CHN2: variants seen among roughly 807,000 people sequenced by gnomAD.
CHN2 encodes the protein beta-chimaerin.
Under a neutral mutation model 56.3 loss-of-function variants are expected in CHN2, and 35 were observed. The observed-to-expected ratio is 0.62, with a 90% CI of 0.47 to 0.82. CHN2 has a LOEUF of 0.82. Ranked by LOEUF, CHN2 falls within the 40% of genes least tolerant of loss-of-function variation. The pLI, the probability that CHN2 is intolerant of heterozygous loss-of-function variation, is 0.00. For missense variants in CHN2, 491 were observed against 580.5 expected, an observed-to-expected ratio of 0.85 and a Z score of 1.58; for synonymous variants, 210 against 212.8, an observed-to-expected ratio of 0.99 and a Z score of 0.12.
chr7:29,354,775 A>T lies in CHN2; in HGVS notation c.88+112A>T, dbSNP rs1041858224. The T allele has an allele frequency of 3.3e-6, 3 of 911,646 alleles. No individual in the cohort carries two copies. The African/African-American group carries it at 5.0e-5, about 15-fold the overall frequency. The allele number at this position is 911,646 out of a possible 1,614,324, so 56.5% of individuals were successfully genotyped here. Reference sequence around the variant, plus strand: ...AGCGTTCCCACCTCACAGCACTGAAAACCCAAATCTTTCTTTCCACTGAGG... The same window carrying T: ...AGCGTTCCCACCTCACAGCACTGAATACCCAAATCTTTCTTTCCACTGAGG... On this transcript the variant is annotated intron_variant, in intron 2 of 12. Transcript: ENST00000222792.
At chr7:29,162,253 C>A (rs1795276986) in intron 2 of CHN2, among the ~76,000 whole-genome samples, 1 of 152,162 alleles carries the variant, frequency 6.6e-6, no homozygotes, top group Non-Finnish European at 1.5e-5. Context: ...CCGGAAATGA[C>A]CCAAATGCTC....
chr7:29,363,252 G>A (rs1798875065), intron 2 of CHN2, among the ~76,000 whole-genome samples: 1 of 152,222 alleles, frequency 6.6e-6, no homozygotes, highest in Admixed American at 6.5e-5. Flanking sequence ...TTGGGAGGCC[G>A]AAGCAGGTGG....
chr7:29,384,002 C>A (rs1240242507), intron 3 of CHN2, among the ~76,000 whole-genome samples: 1 of 152,232 alleles, frequency 6.6e-6, no homozygotes, highest in African/African-American at 2.4e-5. Context: ...AAGAAGACTT[C>A]GTGGCAGATT....
chr7:29,236,258 T>C (rs1298292901), intron 1 of CHN2, among the ~76,000 whole-genome samples: 1 of 152,230 alleles, frequency 6.6e-6, no homozygotes, highest in African/African-American at 2.4e-5. Context: ...CTGAGGCCAG[T>C]GAGTAATACC....
intron 6 of CHN2, among the ~76,000 whole-genome samples, chr7:29,478,182 T>C (rs1348660524): frequency 6.6e-6 from 1 of 152,072 alleles, no homozygotes; most frequent in Non-Finnish European, 1.5e-5. Flanking sequence ...TTGGTGAAAA[T>C]GTAGATATGT....
upstream of CHN2, among the ~76,000 whole-genome samples, chr7:29,191,190 C>T (rs1288982102): frequency 6.6e-6 from 1 of 152,174 alleles, no homozygotes; most frequent in Non-Finnish European, 1.5e-5. Flanking sequence ...CCTCAACTTA[C>T]TGAGTCACTG....
chr7:29,199,473 A>G (rs1235125258), intron 1 of CHN2: 1 of 152,258 alleles, frequency 6.6e-6, no homozygotes, highest in East Asian at 1.9e-4. Context: ...TAAATTTCAC[A>G]TCACCTAGAC....
At chr7:29,282,944 T>C (rs1791837730) in intron 1 of CHN2, among the ~76,000 whole-genome samples, 1 of 151,950 alleles carries the variant, frequency 6.6e-6, no homozygotes, top group Non-Finnish European at 1.5e-5. Flanking sequence ...AAAGGAACAA[T>C]ATCAGCAGGT....
intron 1 of CHN2, among the ~76,000 whole-genome samples, chr7:29,264,549 A>G (rs1291401417): frequency 6.6e-6 from 1 of 152,220 alleles, no homozygotes; most frequent in African/African-American, 2.4e-5. Context: ...TGCTGTGTCC[A>G]CTAAGGGTTG....
At chr7:29,387,922 T>A (rs931267524) in intron 3 of CHN2, among the ~76,000 whole-genome samples, 28 of 152,236 alleles carry the variant, frequency 1.8e-4, no homozygotes, top group African/African-American at 6.5e-4. Flanking sequence ...AGCTGTAGAC[T>A]GCACACAAAT....
chr7:29,508,494 G>A (rs915748890), intron 11 of CHN2, among the ~76,000 whole-genome samples: 16 of 151,982 alleles, frequency 1.1e-4, no homozygotes, highest in African/African-American at 2.9e-4. Flanking sequence ...TGCCTGATGG[G>A]GAGACACAAA....
At chr7:29,333,236 T>A (rs1298545518) in intron 1 of CHN2, among the ~76,000 whole-genome samples, 1 of 152,106 alleles carries the variant, frequency 6.6e-6, no homozygotes, top group Non-Finnish European at 1.5e-5. Flanking sequence ...TAGTTCTGTA[T>A]CCCATCCTCC....
chr7:29,366,036 A>G (rs1229266522), intron 2 of CHN2, among the ~76,000 whole-genome samples: 1 of 152,238 alleles, frequency 6.6e-6, no homozygotes, highest in East Asian at 1.9e-4. Flanking sequence ...GTCTAGAGAA[A>G]TAGGATGAAT....
chr7:29,271,247 C>T (rs1047622393), intron 1 of CHN2, among the ~76,000 whole-genome samples: 2 of 152,152 alleles, frequency 1.3e-5, no homozygotes, highest in African/African-American at 2.4e-5. Context: ...TCCAACAGTC[C>T]GGAGACAAGT....
chr7:29,362,172 A>ACCTCTCCAC (rs1798788049), intron 2 of CHN2, among the ~76,000 whole-genome samples: 1 of 152,018 alleles, frequency 6.6e-6, no homozygotes, highest in Non-Finnish European at 1.5e-5. Flanking sequence ...TCCTCATGGG[A>ACCTCTCCAC]CCTCTCCACC....
chr7:29,225,416 C>T (rs572710732), intron 1 of CHN2, among the ~76,000 whole-genome samples: 36 of 152,202 alleles, frequency 2.4e-4, no homozygotes, highest in African/African-American at 7.5e-4. Flanking sequence ...ATATCATATA[C>T]AGTGATGAAG....
At chr7:29,434,771 A>G (rs1280448517) in intron 6 of CHN2, among the ~76,000 whole-genome samples, 3 of 152,214 alleles carry the variant, frequency 2.0e-5, no homozygotes, top group African/African-American at 7.2e-5. Flanking sequence ...TCTTTCCTTC[A>G]GAAACTTGTC....
At chr7:29,378,448 C>G (rs1006538875) in intron 3 of CHN2, among the ~76,000 whole-genome samples, 1 of 152,156 alleles carries the variant, frequency 6.6e-6, no homozygotes, top group African/African-American at 2.4e-5. Context: ...CTAGCATAGG[C>G]GTTGGTCAGC....
intron 1 of CHN2, among the ~76,000 whole-genome samples, chr7:29,344,847 C>T (rs1445653116): frequency 2.6e-5 from 4 of 152,168 alleles, no homozygotes; most frequent in African/African-American, 9.7e-5. Context: ...TGCAGCCTTC[C>T]AAAGGCTGAG....
Sources: allele counts gnomAD v4.1 joint callset (sites outside exome capture counted in the v4.1 genomes callset), GRCh38; gene constraint gnomAD v4.1.1; transcripts MANE v1.5; gene names NCBI Gene and HGNC (gene_info 2026-07-23, HGNC 2026-07-21).